DLC1: variants seen among roughly 807,000 people sequenced by gnomAD.
The protein encoded by DLC1 is DLC1 Rho GTPase activating protein, also known as rho GTPase-activating protein 7.
Under a neutral mutation model 140.3 loss-of-function variants are expected in DLC1, and 54 were observed. The ratio of observed to expected loss-of-function variants is 0.38; its 90% CI spans 0.31 to 0.48. The LOEUF (loss-of-function observed/expected upper bound fraction) is 0.48, where lower values mean the gene tolerates loss of function less well. Among genes scored for constraint, DLC1 ranks in the 20% least tolerant of loss-of-function variants. The pLI is 0.96. For missense variants in DLC1, 2,536 were observed against 1,907.0 expected (o/e 1.33, Z -6.14); for synonymous variants, 986 against 728.1 (o/e 1.35, Z -5.70).
intron 1 of DLC1, among the ~76,000 whole-genome samples, chr8:13,507,347 A>G (rs1413418661): frequency 6.6e-6 from 1 of 152,222 alleles, no homozygotes; most frequent in Non-Finnish European, 1.5e-5. Context: ...ACAAACAAAT[A>G]GCAAAAACCG....
intron 5 of DLC1, among the ~76,000 whole-genome samples, chr8:13,210,519 C>A (rs779311867): frequency 5.3e-5 from 8 of 152,164 alleles, no homozygotes; most frequent in Non-Finnish European, 1.2e-4. Flanking sequence ...ATAAAGTAAA[C>A]AGAAGCAATA....
intron 5 of DLC1, among the ~76,000 whole-genome samples, chr8:13,197,294 C>T (rs1026390024): frequency 2.0e-4 from 30 of 151,838 alleles, no homozygotes; most frequent in Non-Finnish European, 3.1e-4. Flanking sequence ...GATCAGATTC[C>T]CTAATTAGTA....
chr8:13,317,625 G>C (rs894441272), intron 4 of DLC1, among the ~76,000 whole-genome samples: 2 of 152,106 alleles, frequency 1.3e-5, no homozygotes, highest in African/African-American at 4.8e-5. Flanking sequence ...GTATTGGGCT[G>C]TGTCTGGTGT....
chr8:13,221,712 ATGTGTGTGTG>A (rs371741645), intron 5 of DLC1, among the ~76,000 whole-genome samples: 4 of 133,734 alleles, frequency 3.0e-5, no homozygotes, highest in Non-Finnish European at 6.3e-5. Context: ...GTGTGTGTAT[ATGTGTGTGTG>A]TGTGTATATA....
At chr8:13,443,246 C>T (rs1190240243) in intron 2 of DLC1, among the ~76,000 whole-genome samples, 1 of 150,788 alleles carries the variant, frequency 6.6e-6, no homozygotes, top group Non-Finnish European at 1.5e-5. Context: ...GGAGATATAC[C>T]TAAGGTTAAA....
chr8:13,155,379 T>C (rs1223127140), intron 5 of DLC1, among the ~76,000 whole-genome samples: 5 of 151,400 alleles, frequency 3.3e-5, no homozygotes, highest in Middle Eastern at 6.8e-3. Context: ...ATAAAAGATA[T>C]GGTTGGACAT....
chr8:13,171,136 T>C (rs537739936), intron 5 of DLC1, among the ~76,000 whole-genome samples: 1 of 152,280 alleles, frequency 6.6e-6, no homozygotes, highest in East Asian at 1.9e-4. Flanking sequence ...AAAAAGGGAA[T>C]ACCTCCTCCC....
chr8:13,162,592 G>A (rs2116880964), intron 5 of DLC1, among the ~76,000 whole-genome samples: 1 of 152,288 alleles, frequency 6.6e-6, no homozygotes, highest in East Asian at 1.9e-4. Flanking sequence ...CAAAGTGCTA[G>A]GATTACAGGC....
intron 1 of DLC1, chr8:13,567,065 T>G: frequency 1.3e-6 from 2 of 1,551,740 alleles, no homozygotes; most frequent in Non-Finnish European, 1.7e-6. Flanking sequence ...ACTGAGACTT[T>G]GAAGAACTCT....
intron 5 of DLC1, among the ~76,000 whole-genome samples, chr8:13,292,041 G>T (rs1247166688): frequency 4.0e-5 from 6 of 149,624 alleles, no homozygotes; most frequent in African/African-American, 1.5e-4. Flanking sequence ...TGACTTTGCT[G>T]AAATTTTACA....
intron 2 of DLC1, among the ~76,000 whole-genome samples, chr8:13,455,432 C>G (rs892341239): frequency 6.6e-6 from 1 of 152,114 alleles, no homozygotes; most frequent in Non-Finnish European, 1.5e-5. Context: ...TGGCTCATCT[C>G]GTGGCCTTAA....
chr8:13,257,272 C>A lies in DLC1; in HGVS notation c.1348+47997G>T, dbSNP rs1830271833. 3.3e-5 allele frequency among the ~76,000 whole-genome samples: 5 copies of A among 151,324 alleles called. No homozygotes were observed. In the Middle Eastern group the frequency reaches 0.01, roughly 311 times the overall value. On this transcript the variant is annotated intron_variant, in intron 5 of 17. Transcript: ENST00000276297. Reference sequence around the variant, plus strand: ...GCAACATAATGAGACCCTGTCTCTACAAAAAAGTTAAAAAATCAGCTGAGC... The same window carrying A: ...GCAACATAATGAGACCCTGTCTCTAAAAAAAAGTTAAAAAATCAGCTGAGC...
intron 2 of DLC1, among the ~76,000 whole-genome samples, chr8:13,445,324 G>C (rs562326895): frequency 1.3e-5 from 2 of 152,148 alleles, no homozygotes; most frequent in African/African-American, 2.4e-5. Context: ...GATGTGGGAG[G>C]ATAAACGAAT....
chr8:13,233,131 C>A (rs2117207460), intron 5 of DLC1, among the ~76,000 whole-genome samples: 1 of 151,854 alleles, frequency 6.6e-6, no homozygotes, highest in Middle Eastern at 3.4e-3. Context: ...CCCATCTCTA[C>A]TAAAAATACA....
At chr8:13,316,232 C>T (rs1256151517) in intron 4 of DLC1, among the ~76,000 whole-genome samples, 4 of 152,144 alleles carry the variant, frequency 2.6e-5, no homozygotes, top group Admixed American at 2.6e-4. Flanking sequence ...CCTGCAGCAG[C>T]CTGTAGGACT....
Position 13,366,571 on chromosome 8 carries a change from C to G in DLC1, c.1314+26982G>C, listed in dbSNP as rs758825723. Among the ~76,000 whole-genome samples, 23 of 152,208 alleles carry G rather than the reference C, an allele frequency of 1.5e-4. 1 individual carries two copies. Among genetic ancestry groups the G allele is most frequent in the Non-Finnish European group, 5.9e-5 (4 of 68,028 alleles). ...AAGAACCCAGAGGTCTTGACTTATACTTCAGTGTTCTTGTTCCCAAGTTCA... is the reference window on the plus strand; with the variant it reads ...AAGAACCCAGAGGTCTTGACTTATAGTTCAGTGTTCTTGTTCCCAAGTTCA... On this transcript the variant is annotated intron_variant, in intron 4 of 17. Coordinates refer to ENST00000276297, the MANE Select transcript of DLC1 (RefSeq NM_182643.3).
At chr8:13,248,414 C>T (rs1829856924) in intron 5 of DLC1, among the ~76,000 whole-genome samples, 1 of 142,936 alleles carries the variant, frequency 7.0e-6, no homozygotes, top group Admixed American at 6.8e-5. Context: ...CTCTCTGACT[C>T]TGAGCTGTTT....
At chr8:13,286,512 C>A (rs1831540136) in intron 5 of DLC1, among the ~76,000 whole-genome samples, 1 of 151,986 alleles carries the variant, frequency 6.6e-6, no homozygotes, top group African/African-American at 2.4e-5. Context: ...CATGTCAACT[C>A]AATAATGATG....
intron 2 of DLC1, among the ~76,000 whole-genome samples, chr8:13,459,577 C>T (rs1331554721): frequency 6.6e-6 from 1 of 152,076 alleles, no homozygotes; most frequent in African/African-American, 2.4e-5. Context: ...CCAATGGGGG[C>T]AGGGGCTGGG....
Sources: gnomAD v4.1 joint callset for allele counts (sites outside exome capture counted in the v4.1 genomes callset) on GRCh38, gnomAD v4.1.1 for gene constraint, MANE v1.5 for transcripts, NCBI Gene and HGNC (gene_info 2026-07-23, HGNC 2026-07-21) for gene names.